Variants in SEC14L2 observed in about 807,000 individuals in gnomAD.
The protein encoded by SEC14L2 is SEC14-like protein 2.
A neutral mutation model predicts 56.9 loss-of-function variants in SEC14L2; 50 were observed. That is an observed-to-expected ratio of 0.88 (90% CI 0.70 to 1.11). The LOEUF is 1.11. Among genes scored for constraint, SEC14L2 ranks in the 50% most tolerant of loss-of-function variants. The pLI is 0.00. For missense variants in SEC14L2, 414 were observed against 500.7 expected (o/e 0.83, Z 1.65); for synonymous variants, 179 against 188.5 (o/e 0.95, Z 0.41).
At chr22:30,415,603 T>A (rs1264364646) in intron 8 of SEC14L2, among the ~76,000 whole-genome samples, 156 bp from the exon 9 acceptor site, 1 of 152,220 alleles carries the variant, frequency 6.6e-6, no homozygotes, top group Non-Finnish European at 1.5e-5. Context: ...GTACTATGCA[T>A]GCACTGTGTG....
intron 3 of SEC14L2, 132 bp from the exon 4 acceptor site, chr22:30,406,963 G>C: frequency 1.3e-6 from 1 of 746,216 alleles, no homozygotes; most frequent in Non-Finnish European, 2.2e-6. Flanking sequence ...TGTTGGCCAG[G>C]CTGGTCTTGA....
intron 1 of SEC14L2, chr22:30,397,529 T>G: frequency 6.4e-6 from 2 of 311,298 alleles, no homozygotes; most frequent in Non-Finnish European, 1.2e-5. Flanking sequence ...GGGCCCAAGT[T>G]TCCTCCCATT....
intron 4 of SEC14L2, 68 bp from the exon 5 acceptor site, chr22:30,407,347 A>G: frequency 6.4e-7 from 1 of 1,554,578 alleles, no homozygotes; most frequent in South Asian, 1.2e-5. Context: ...AACCTGGAGT[A>G]AGGCCCTGTG....
intron 5 of SEC14L2, chr22:30,408,902 G>C (rs978108096): frequency 1.5e-5 from 7 of 480,612 alleles, no homozygotes; most frequent in Non-Finnish European, 2.7e-5. Context: ...ACTCAGGAAG[G>C]GGGAGGCCAT....
intron 2 of SEC14L2, among the ~76,000 whole-genome samples, chr22:30,402,612 C>G (rs1295129483): frequency 1.3e-5 from 2 of 152,102 alleles, no homozygotes; most frequent in East Asian, 1.9e-4. Flanking sequence ...AGGAAGCCAC[C>G]CCTGCTCCTT....
rs770606956 is a variant in SEC14L2, at chr22:30,407,586, G to A, written c.406G>A (p.Ala136Thr). 3 of 1,613,912 alleles carry A rather than the reference G, an allele frequency of 1.9e-6. No homozygotes were observed. In the South Asian group the frequency reaches 3.3e-5, roughly 18 times the overall value. ...RECELLLQEC[A>T]HQTTKLGRKV... ...GTGTGAGCTGCTTCTGCAAGAGTGTGCCCACCAGACCACAAAGGTGAGTGG... is the reference window on the plus strand; with the variant it reads ...GTGTGAGCTGCTTCTGCAAGAGTGTACCCACCAGACCACAAAGGTGAGTGG... Residue 136 changes from alanine (A) to threonine (T), a missense_variant, in exon 5 of 12, where the codon GCC becomes ACC. Transcript: ENST00000615189.
chr22:30,409,431 C>T lies in SEC14L2; in HGVS notation c.525C>T (p.Leu175=), dbSNP rs1369179956. The T allele has an allele frequency of 1.9e-6, 3 of 1,614,054 alleles. No individual in the cohort carries two copies. The highest frequency in any genetic ancestry group is 2.5e-6 in the Non-Finnish European group (3 of 1,180,016). ...KPAVEAYGEF[L]CMFEENYPET... ...GAGTGATTTTGTTTCCACAGTTTCT[C>T]TGCATGTTTGAGGAAAATTATCCCG... The change falls in exon 7 of 12, where the codon CTC becomes CTT. Residue 175 remains leucine (L), a synonymous_variant. Transcript: ENST00000615189.
chr22:30,409,102 C>A, intron 5 of SEC14L2, 85 bp from the exon 6 acceptor site: 2 of 1,167,970 alleles, frequency 1.7e-6, no homozygotes, highest in Non-Finnish European at 2.6e-6. Flanking sequence ...TCTCTGGATG[C>A]ACAGTGCAAT....
In SEC14L2 at chr22:30,401,934, C is replaced by A. The variant is rs559695517; in HGVS notation, c.130+2216C>A. On this transcript the variant is annotated intron_variant, in intron 2 of 11. Coordinates refer to ENST00000615189, the MANE Select transcript of SEC14L2 (RefSeq NM_012429.5). Reference sequence around the variant, plus strand: ...ACACATAAAGACATGCACATGCACACCCTAGGAGTCTTGGGGCAGATGAAG... The same window carrying A: ...ACACATAAAGACATGCACATGCACAACCTAGGAGTCTTGGGGCAGATGAAG... 6.2e-4 allele frequency among the ~76,000 whole-genome samples: 94 copies of A among 152,206 alleles called. 1 individual carries two copies. The highest frequency in any genetic ancestry group is 6.0e-3 in the Admixed American group (92 of 15,294).
chr22:30,419,269 T>C (rs2146041921), intron 11 of SEC14L2, among the ~76,000 whole-genome samples: 1 of 152,276 alleles, frequency 6.6e-6, no homozygotes, highest in Admixed American at 6.5e-5. Context: ...ACAGAAGTGA[T>C]GGCCGGGCGT....
At chr22:30,402,771 A>G (rs530806947) in intron 2 of SEC14L2, among the ~76,000 whole-genome samples, 1 of 151,970 alleles carries the variant, frequency 6.6e-6, no homozygotes, top group South Asian at 2.1e-4. Context: ...AAAAAACCCA[A>G]AACCCAAAAA....
Position 30,425,082 on chromosome 22 carries a change from G to C in SEC14L2, c.*2675G>C. The C allele has an allele frequency of 1.1e-5, 3 of 270,488 alleles. No individual in the cohort carries two copies. Among genetic ancestry groups the C allele is most frequent in the South Asian group, 3.3e-5 (1 of 30,682 alleles). The allele number at this position is 270,488 out of a possible 1,614,324, so 16.8% of individuals were successfully genotyped here. ...GCCTCATTTAGAGCTCGCATTAAGAGCACGGGATCTGGATCCACACTGTTT... is the reference window on the plus strand; with the variant it reads ...GCCTCATTTAGAGCTCGCATTAAGACCACGGGATCTGGATCCACACTGTTT... On this transcript the variant is annotated 3_prime_UTR_variant, in exon 12 of 12. Coordinates refer to ENST00000615189, the MANE Select transcript of SEC14L2 (RefSeq NM_012429.5).
At chr22:30,418,043 G>A (rs1934431120) in intron 11 of SEC14L2, among the ~76,000 whole-genome samples, 1 of 152,052 alleles carries the variant, frequency 6.6e-6, no homozygotes, top group Non-Finnish European at 1.5e-5. Context: ...ACCCACAGAG[G>A]AGAAAGCACT....
chr22:30,415,470 C>T (rs1350976562), intron 8 of SEC14L2, among the ~76,000 whole-genome samples: 1 of 152,162 alleles, frequency 6.6e-6, no homozygotes, highest in East Asian at 1.9e-4. Context: ...GTTCATTTCA[C>T]TCCCACCATA....
chr22:30,408,072 T>C (rs1285249019), intron 5 of SEC14L2, among the ~76,000 whole-genome samples: 2 of 150,016 alleles, frequency 1.3e-5, no homozygotes, highest in Non-Finnish European at 3.0e-5. Flanking sequence ...ATCGTGCCAC[T>C]GCACTCCAGC....
Position 30,410,660 on chromosome 22 carries a change from G to A in SEC14L2, c.645G>A (p.Lys215=). ...CCTTCCTGAGTGAGGACACTCGTAAGAAGATCATGGTCCTGGGAGGTAAGT... is the reference window on the plus strand; with the variant it reads ...CCTTCCTGAGTGAGGACACTCGTAAAAAGATCATGGTCCTGGGAGGTAAGT... The part of the protein sequence containing the change: ...IKPFLSEDTR[K]KIMVLGANWK... The change falls in exon 8 of 12, where the codon AAG becomes AAA. Residue 215 remains lysine, a synonymous_variant. Transcript: ENST00000615189. 1 of 1,614,180 alleles carries A rather than the reference G, an allele frequency of 6.2e-7. No individual in the cohort carries two copies. Among genetic ancestry groups the A allele is most frequent in the East Asian group, 2.2e-5 (1 of 44,890 alleles).
At chr22:30,400,367 T>A (rs1933891289) in intron 2 of SEC14L2, 2 of 152,266 alleles carry the variant, frequency 1.3e-5, no homozygotes, top group Non-Finnish European at 2.9e-5. Flanking sequence ...GGACAAGACC[T>A]GCCTGCTGCA....
chr22:30,409,585 G>A, intron 7 of SEC14L2, 99 bp downstream of exon 7: 6 of 1,133,694 alleles, frequency 5.3e-6, no homozygotes, highest in Non-Finnish European at 8.0e-6. Flanking sequence ...AAAAGAGGGG[G>A]TCTGAGGACA....
At chr22:30,403,205 T>C (rs1354741914) in intron 2 of SEC14L2, among the ~76,000 whole-genome samples, 1 of 152,164 alleles carries the variant, frequency 6.6e-6, no homozygotes, top group East Asian at 1.9e-4. Context: ...GGTGTGTGCT[T>C]GGGGCTCCTC....
Sources: allele counts gnomAD v4.1 joint callset (sites outside exome capture counted in the v4.1 genomes callset), GRCh38; gene constraint gnomAD v4.1.1; transcripts MANE v1.5; gene names NCBI Gene and HGNC (gene_info 2026-07-23, HGNC 2026-07-21).